Variants in CDKL1 observed in about 807,000 individuals in gnomAD.
CDKL1 encodes the protein cyclin-dependent kinase-like 1.
Under a neutral mutation model 42.0 loss-of-function variants are expected in CDKL1, and 41 were observed. The observed-to-expected ratio is 0.98, with a 90% CI of 0.76 to 1.27. CDKL1 has a LOEUF of 1.27. Among genes scored for constraint, CDKL1 ranks in the 50% most tolerant of loss-of-function variants. The pLI, the probability that CDKL1 is intolerant of heterozygous loss-of-function variation, is 0.00. For missense variants in CDKL1, 394 were observed against 428.4 expected (o/e 0.92, Z 0.71); for synonymous variants, 153 against 158.6 (o/e 0.96, Z 0.26).
Position 50,345,076 on chromosome 14 carries a change from G to A in CDKL1, c.291-18C>T, listed in dbSNP as rs773331500. The A allele has an allele frequency of 6.2e-7, 1 of 1,608,332 alleles. No individual in the cohort carries two copies. Among genetic ancestry groups the A allele is most frequent in the Admixed American group, 1.7e-5 (1 of 59,758 alleles). The stretch of plus-strand genomic sequence containing the variant: ...CTGGTACCCTAATAAAAATAAAGCA[G>A]CACAAACACATTCTTTAGTGTAGCC... On this transcript the variant is annotated intron_variant, in intron 3 of 9. Coordinates refer to ENST00000395834, the MANE Select transcript of CDKL1 (RefSeq NM_004196.7).
intron 2 of CDKL1, among the ~76,000 whole-genome samples, chr14:50,391,492 C>T (rs1169636445): frequency 6.6e-6 from 1 of 152,162 alleles, no homozygotes; most frequent in Non-Finnish European, 1.5e-5. Flanking sequence ...AAGCGATTCT[C>T]CTGTCTCAGA....
chr14:50,383,810 C>T (rs2034994669), intron 2 of CDKL1, among the ~76,000 whole-genome samples: 1 of 152,112 alleles, frequency 6.6e-6, no homozygotes, highest in South Asian at 2.1e-4. Context: ...TGCTTAATCT[C>T]CTTGCAAACT....
At chr14:50,363,223 C>G (rs1282528125) in intron 2 of CDKL1, 2 of 197,702 alleles carry the variant, frequency 1.0e-5, no homozygotes, top group Non-Finnish European at 2.2e-5. Flanking sequence ...ACACTCACCG[C>G]GAGAGTCTGT....
intron 2 of CDKL1, among the ~76,000 whole-genome samples, chr14:50,379,223 G>A (rs2034833066): frequency 6.6e-6 from 1 of 152,198 alleles, no homozygotes; most frequent in Admixed American, 6.5e-5. Flanking sequence ...CAGACATGCT[G>A]GAAGTGCCTT....
At chr14:50,395,492 C>T (rs558876410) in intron 2 of CDKL1, among the ~76,000 whole-genome samples, 74 of 152,108 alleles carry the variant, frequency 4.9e-4, no homozygotes, top group Non-Finnish European at 1.0e-3. Flanking sequence ...TCTTTCATCC[C>T]TAAAAATTCA....
At chr14:50,337,062 G>A (rs2033318777) in intron 7 of CDKL1, among the ~76,000 whole-genome samples, 1 of 151,878 alleles carries the variant, frequency 6.6e-6, no homozygotes, top group Non-Finnish European at 1.5e-5. Context: ...AGGCTGGAGT[G>A]TACTGACGTG....
intron 2 of CDKL1, among the ~76,000 whole-genome samples, chr14:50,369,607 T>TGC (rs1491244359): frequency 1.3e-4 from 9 of 71,362 alleles, no homozygotes; most frequent in South Asian, 1.2e-3. Flanking sequence ...TATACACACA[T>TGC]GCACACACAC....
intron 2 of CDKL1, among the ~76,000 whole-genome samples, chr14:50,369,597 T>A (rs985090112): frequency 3.4e-5 from 4 of 117,330 alleles, no homozygotes; most frequent in Non-Finnish European, 5.0e-5. Context: ...ATATAATATA[T>A]ATACACACAT....
chr14:50,352,853 C>T (rs559213840), intron 3 of CDKL1, among the ~76,000 whole-genome samples: 24 of 152,196 alleles, frequency 1.6e-4, no homozygotes, highest in Admixed American at 1.0e-3. Context: ...AGAGTGCCAA[C>T]GTATTCACCC....
intron 7 of CDKL1, among the ~76,000 whole-genome samples, chr14:50,335,158 T>C (rs905577152): frequency 1.4e-4 from 21 of 148,380 alleles, no homozygotes; most frequent in Non-Finnish European, 2.5e-4. Flanking sequence ...TAGCTGGGGG[T>C]GGTGGTGTGC....
In CDKL1 at chr14:50,383,550, CAAAA is replaced by C. The variant is rs72048788; in HGVS notation, c.168+12147_168+12150del. 6.8e-3 allele frequency among the ~76,000 whole-genome samples: 950 copies of C among 140,244 alleles called. 11 individuals carry two copies. The highest frequency in any genetic ancestry group is 0.022 in the African/African-American group (862 of 38,948). 92.0% of individuals were successfully genotyped at this position (140,244 alleles called of 152,430 possible). A position where few individuals can be genotyped will look rare whatever the true frequency, so the allele number is the denominator to read the frequency against. ...CCTGAGCAACACAGTGAGACTGTCT[CAAAA>C]AAAAAAAAAAACAAACAACAACAAC... On this transcript the variant is annotated intron_variant, in intron 2 of 9. Coordinates refer to ENST00000395834, the MANE Select transcript of CDKL1 (RefSeq NM_004196.7).
At chr14:50,380,126 T>A in intron 2 of CDKL1, 1 of 522,062 alleles carries the variant, frequency 1.9e-6, no homozygotes, top group Non-Finnish European at 3.9e-6. Flanking sequence ...TTCTATGACC[T>A]GTGAAGTAAG....
chr14:50,395,990 G>A lies in CDKL1; in HGVS notation c.-122C>T. ...ACCTGAGGTCAGGAGTTCGAGACCA[G>A]TCTGGCCAACATACTGAAACTCCGT... On this transcript the variant is annotated 5_prime_UTR_variant, in exon 2 of 10. Transcript: ENST00000395834. 1 of 1,064,258 alleles carries A rather than the reference G, an allele frequency of 9.4e-7. No individual in the cohort carries two copies. The highest frequency in any genetic ancestry group is 2.4e-5 in the Admixed American group (1 of 42,234). 65.9% of individuals were successfully genotyped at this position (1,064,258 alleles called of 1,614,324 possible).
At chr14:50,394,513 C>T (rs2035344103) in intron 2 of CDKL1, among the ~76,000 whole-genome samples, 1 of 152,172 alleles carries the variant, frequency 6.6e-6, no homozygotes, top group Non-Finnish European at 1.5e-5. Flanking sequence ...TATCCATGGG[C>T]ACAAGATTTG....
At chr14:50,396,468 A>C in intron 1 of CDKL1, 139 bp from the exon 2 acceptor site, 13 of 984,566 alleles carry the variant, frequency 1.3e-5, no homozygotes, top group Non-Finnish European at 1.6e-5. Context: ...TGTAAGTTAA[A>C]ATGTAACTTG....
intron 4 of CDKL1, 163 bp from the exon 5 acceptor site, chr14:50,342,385 C>A: frequency 7.2e-7 from 1 of 1,391,038 alleles, no homozygotes; most frequent in Non-Finnish European, 9.3e-7. Context: ...AGTACCATGC[C>A]TGTCAGAGCC....
intron 7 of CDKL1, among the ~76,000 whole-genome samples, chr14:50,338,209 A>G (rs562314092): frequency 6.6e-6 from 1 of 152,166 alleles, no homozygotes; most frequent in East Asian, 1.9e-4. Flanking sequence ...AAGGCTGGCT[A>G]AGGAAGTTTT....
chr14:50,373,510 T>C (rs2034644165), intron 2 of CDKL1, among the ~76,000 whole-genome samples: 1 of 152,314 alleles, frequency 6.6e-6, no homozygotes, highest in Admixed American at 6.5e-5. Context: ...TTCTCACACA[T>C]GGCCAATTAG....
At chr14:50,336,168 G>T in intron 7 of CDKL1, 1 of 1,363,076 alleles carries the variant, frequency 7.3e-7, no homozygotes. Flanking sequence ...GCGTTTCACA[G>T]CCCCAGAAGC....
Sources: gnomAD v4.1 joint callset for allele counts (sites outside exome capture counted in the v4.1 genomes callset) on GRCh38, gnomAD v4.1.1 for gene constraint, MANE v1.5 for transcripts, NCBI Gene and HGNC (gene_info 2026-07-23, HGNC 2026-07-21) for gene names.